DPH6: variants seen among roughly 807,000 people sequenced by gnomAD.
DPH6 encodes the protein diphthine--ammonia ligase.
Under a neutral mutation model 38.2 loss-of-function variants are expected in DPH6, and 33 were observed. The observed-to-expected ratio is 0.86, with a 90% CI of 0.65 to 1.15. DPH6 has a LOEUF of 1.15. DPH6 is among the 50% of genes most tolerant of loss of function. The pLI is 0.00. For synonymous variants in DPH6, 108 were observed against 103.0 expected, an observed-to-expected ratio of 1.05 and a Z score of -0.30; for missense variants, 325 against 320.0, an observed-to-expected ratio of 1.02 and a Z score of -0.12.
chr15:35,330,266 G>A (rs1449382618), downstream of DPH6, among the ~76,000 whole-genome samples: 2 of 152,090 alleles, frequency 1.3e-5, no homozygotes, highest in African/African-American at 2.4e-5. Flanking sequence ...ATGCGAATAC[G>A]TGAACAAGAA....
At chr15:35,409,482 C>T (rs1019097604) in intron 6 of DPH6, among the ~76,000 whole-genome samples, 1 of 151,966 alleles carries the variant, frequency 6.6e-6, no homozygotes, top group Non-Finnish European at 1.5e-5. Flanking sequence ...TAATCAACAT[C>T]GTGGTGCTTC....
At chr15:35,295,275 T>C (rs1259426256) in intron 3 of DPH6, among the ~76,000 whole-genome samples, 1 of 152,184 alleles carries the variant, frequency 6.6e-6, no homozygotes, top group Non-Finnish European at 1.5e-5. Context: ...TTGGACCCTA[T>C]GGAAATCAGA....
At chr15:35,310,984 G>A (rs1245367335) in intron 3 of DPH6, among the ~76,000 whole-genome samples, 2 of 151,700 alleles carry the variant, frequency 1.3e-5, no homozygotes, top group East Asian at 1.9e-4. Flanking sequence ...GCTTGAACCC[G>A]GGAGGAGGAG....
At chr15:35,340,225 A>C (rs1166482946) in intron 3 of DPH6, among the ~76,000 whole-genome samples, 1 of 150,150 alleles carries the variant, frequency 6.7e-6, no homozygotes, top group East Asian at 1.9e-4. Context: ...TTTTCCATTT[A>C]CTTGGTAAAT....
intron 3 of DPH6, among the ~76,000 whole-genome samples, chr15:35,467,329 C>T (rs1234831899): frequency 6.6e-6 from 1 of 152,094 alleles, no homozygotes; most frequent in African/African-American, 2.4e-5. Context: ...CTTTGGGAGG[C>T]CAAGGCAGGC....
intron 5 of DPH6, among the ~76,000 whole-genome samples, chr15:35,444,339 T>C (rs1336864637): frequency 6.6e-6 from 1 of 152,152 alleles, no homozygotes; most frequent in Non-Finnish European, 1.5e-5. Context: ...TTCTAATCAG[T>C]GTAGCATGAG....
chr15:35,168,184 C>A, the DPH6 span, among the ~76,000 whole-genome samples: 8 of 152,030 alleles, frequency 5.3e-5, no homozygotes, highest in Non-Finnish European at 1.2e-4. Context: ...TTAATACTGA[C>A]AATTTTTAAA....
At chr15:35,212,904 G>A (rs2051394737), downstream of DPH6, among the ~76,000 whole-genome samples, 1 of 152,132 alleles carries the variant, frequency 6.6e-6, no homozygotes, top group African/African-American at 2.4e-5. Flanking sequence ...TAATGCCAAA[G>A]AAAAGAGAAG....
the DPH6 span, among the ~76,000 whole-genome samples, chr15:35,187,384 G>C: frequency 6.6e-6 from 1 of 152,152 alleles, no homozygotes; most frequent in Non-Finnish European, 1.5e-5. Context: ...GATTTAGCCA[G>C]GTTGAGTTGC....
intron 3 of DPH6, among the ~76,000 whole-genome samples, chr15:35,254,518 AG>A (rs2051694624): frequency 1.3e-5 from 2 of 152,326 alleles, no homozygotes; most frequent in South Asian, 4.1e-4. Context: ...TACAAAAAAA[AG>A]TTTCATCTTG....
chr15:35,182,220 A>ATTTTT, the DPH6 span, among the ~76,000 whole-genome samples: 18 of 86,034 alleles, frequency 2.1e-4, 2 homozygotes, highest in African/African-American at 5.1e-4. Context: ...AACTCTAAGA[A>ATTTTT]TTTTTTTTTT....
chr15:35,193,652 T>C, the DPH6 span, among the ~76,000 whole-genome samples: 3 of 152,222 alleles, frequency 2.0e-5, no homozygotes, highest in East Asian at 1.9e-4. Flanking sequence ...ATTTTAGACT[T>C]AGATTACTAC....
intron 3 of DPH6, among the ~76,000 whole-genome samples, chr15:35,227,083 T>G (rs1321913293): frequency 6.6e-6 from 1 of 152,126 alleles, no homozygotes. Context: ...TTTGTCCGTT[T>G]CTTTTAGATT....
chr15:35,188,241 C>T, the DPH6 span, among the ~76,000 whole-genome samples: 2 of 152,136 alleles, frequency 1.3e-5, no homozygotes, highest in African/African-American at 4.8e-5. Context: ...GCTGAGTGGG[C>T]TCACCTATGC....
At chr15:35,533,843 T>C (rs902982247) in intron 3 of DPH6, among the ~76,000 whole-genome samples, 6 of 151,984 alleles carry the variant, frequency 3.9e-5, no homozygotes, top group Non-Finnish European at 7.4e-5. Flanking sequence ...CAGACAGCCA[T>C]AATCTACTGT....
chr15:35,439,727 C>G (rs571151172), intron 5 of DPH6, among the ~76,000 whole-genome samples: 72 of 151,702 alleles, frequency 4.7e-4, no homozygotes, highest in Non-Finnish European at 9.4e-4. Context: ...GAGAGGAGTT[C>G]ACCCAACTCA....
chr15:35,172,383 T>A, the DPH6 span, among the ~76,000 whole-genome samples: 1 of 152,208 alleles, frequency 6.6e-6, no homozygotes, highest in Non-Finnish European at 1.5e-5. Context: ...GGGTAACTTG[T>A]ACCGTCATGT....
intron 6 of DPH6, among the ~76,000 whole-genome samples, chr15:35,386,942 C>G (rs1018601889): frequency 6.6e-6 from 1 of 152,144 alleles, no homozygotes; most frequent in Admixed American, 6.5e-5. Context: ...ATGGTAATGC[C>G]TAGGTTTTCT....
At chr15:35,298,493 T>C (rs2052030513) in intron 3 of DPH6, 1 of 774,338 alleles carries the variant, frequency 1.3e-6, no homozygotes, top group African/African-American at 1.7e-5. Flanking sequence ...TTCCAAGTCT[T>C]CATCCACCTT....
Sources: allele counts gnomAD v4.1 joint callset (sites outside exome capture counted in the v4.1 genomes callset), GRCh38; gene constraint gnomAD v4.1.1; transcripts MANE v1.5; gene names NCBI Gene and HGNC (gene_info 2026-07-23, HGNC 2026-07-21).